The following IL1R1 variants were observed in gnomAD, a reference collection of about 807,000 sequenced individuals.
IL1R1 encodes interleukin-1 receptor type 1.
Under a neutral mutation model 50.2 loss-of-function variants are expected in IL1R1, and 22 were observed. The ratio of observed to expected loss-of-function variants is 0.44; its 90% CI spans 0.31 to 0.63. IL1R1 has a LOEUF of 0.63. IL1R1 is among the 20% of genes least tolerant of loss of function. The pLI is 0.07. For missense variants in IL1R1, 509 were observed against 676.2 expected (o/e 0.75, Z 2.74); for synonymous variants, 251 against 236.7 (o/e 1.06, Z -0.55).
chr2:102,095,368 T>A (rs930975734), intron 1 of IL1R1, among the ~76,000 whole-genome samples: 1 of 152,250 alleles, frequency 6.6e-6, no homozygotes, highest in Non-Finnish European at 1.5e-5. Context: ...CTGTTTCCTC[T>A]GATGAAGTTT....
intron 1 of IL1R1, among the ~76,000 whole-genome samples, chr2:102,143,506 C>A (rs1682855661): frequency 6.6e-6 from 1 of 152,198 alleles, no homozygotes; most frequent in Admixed American, 6.5e-5. Context: ...TCATTATTTA[C>A]AACAGTCATG....
At chr2:102,170,743 T>A (rs996441887) in intron 7 of IL1R1, among the ~76,000 whole-genome samples, 2 of 152,168 alleles carry the variant, frequency 1.3e-5, no homozygotes, top group African/African-American at 4.8e-5. Flanking sequence ...CCCTGAATAT[T>A]AATCTCAGAA....
chr2:102,153,581 G>A (rs1391161765), intron 1 of IL1R1, among the ~76,000 whole-genome samples: 1 of 152,108 alleles, frequency 6.6e-6, no homozygotes, highest in Non-Finnish European at 1.5e-5. Flanking sequence ...GGGATCTGGT[G>A]GGAGGTGATT....
At chr2:102,141,610 G>T (rs1682649828), upstream of IL1R1, among the ~76,000 whole-genome samples, 1 of 152,202 alleles carries the variant, frequency 6.6e-6, no homozygotes, top group Non-Finnish European at 1.5e-5. Context: ...GCCTGGATTT[G>T]TCCGGGGGCA....
chr2:102,171,275 A>T (rs962944706), intron 7 of IL1R1, among the ~76,000 whole-genome samples: 1 of 152,204 alleles, frequency 6.6e-6, no homozygotes, highest in Non-Finnish European at 1.5e-5. Context: ...GCTCACATAC[A>T]CTATTGGAGA....
Position 102,172,751 on chromosome 2 carries a change from G to A in IL1R1, c.904G>A (p.Glu302Lys). The A allele has an allele frequency of 6.2e-7, 1 of 1,612,818 alleles. No individual in the cohort carries two copies. The highest frequency in any genetic ancestry group is 8.5e-7 in the Non-Finnish European group (1 of 1,178,910). Residue 302 changes from glutamate (E) to lysine (K), a missense_variant, in exon 9 of 12, where the codon GAA (glutamate) becomes AAA (lysine). Coordinates refer to ENST00000410023, the MANE Select transcript of IL1R1 (RefSeq NM_000877.4). ...CACAGTGCTTAATATATCGGAAATT[G>A]AAAGTAGATTTTATAAACATCCATT... Reference protein sequence around the residue: ...LITVLNISEIESRFYKHPFTC... With the variant: ...LITVLNISEIKSRFYKHPFTC...
At chr2:102,176,183 T>G in intron 11 of IL1R1, 170 bp from the exon 12 acceptor site, 2 of 606,064 alleles carry the variant, frequency 3.3e-6, no homozygotes, top group South Asian at 4.3e-5. Context: ...CAAGAGACTG[T>G]CTCTTAAAAT....
chr2:102,082,068 C>A (rs561623936), intron 1 of IL1R1, among the ~76,000 whole-genome samples: 21 of 152,318 alleles, frequency 1.4e-4, no homozygotes, highest in Admixed American at 1.1e-3. Context: ...GGCAAATAAC[C>A]TAACACCTTG....
At chr2:102,150,364 G>A (rs550267708) in intron 1 of IL1R1, among the ~76,000 whole-genome samples, 1 of 151,858 alleles carries the variant, frequency 6.6e-6, no homozygotes, top group South Asian at 2.1e-4. Flanking sequence ...CTGGAAGGGG[G>A]GCTTCTGTTG....
intron 9 of IL1R1, among the ~76,000 whole-genome samples, chr2:102,173,128 C>G (rs1685833848): frequency 6.6e-6 from 1 of 152,140 alleles, no homozygotes; most frequent in Non-Finnish European, 1.5e-5. Flanking sequence ...GTTTTCTGTA[C>G]TTAACTATAA....
chr2:102,177,683 G>A lies in IL1R1; in HGVS notation c.*924G>A, dbSNP rs960210674. ...AAGTCATCTTAGCTTTCCACAGGAG[G>A]GAGAGAACTTAAAAAAGCAACAGTA... On this transcript the variant is annotated 3_prime_UTR_variant, in exon 12 of 12. Coordinates refer to ENST00000410023, the MANE Select transcript of IL1R1 (RefSeq NM_000877.4). 8.5e-5 allele frequency: 13 copies of A among 152,346 alleles called. No homozygotes were observed. The highest frequency in any genetic ancestry group is 2.4e-4 in the African/African-American group (10 of 41,430). 9.4% of individuals were successfully genotyped at this position (152,346 alleles called of 1,614,324 possible).
At chr2:102,118,025 C>T (rs1350825844) in intron 1 of IL1R1, among the ~76,000 whole-genome samples, 1 of 151,208 alleles carries the variant, frequency 6.6e-6, no homozygotes, top group East Asian at 1.9e-4. Context: ...GATCTCTGGC[C>T]CTGATTCCCA....
chr2:102,174,554 A>G, intron 9 of IL1R1, 33 bp from the exon 10 acceptor site: 1 of 1,514,646 alleles, frequency 6.6e-7, no homozygotes, highest in Non-Finnish European at 8.8e-7. Context: ...TGGTTCTAAT[A>G]TTTTTTCTCC....
intron 9 of IL1R1, among the ~76,000 whole-genome samples, chr2:102,174,017 T>C (rs1468791849): frequency 6.6e-6 from 1 of 152,216 alleles, no homozygotes; most frequent in Admixed American, 6.5e-5. Flanking sequence ...GATTCCCTTT[T>C]CTGGATGCTT....
At chr2:102,138,563 A>C (rs1371604506), upstream of IL1R1, among the ~76,000 whole-genome samples, 1 of 152,240 alleles carries the variant, frequency 6.6e-6, no homozygotes, top group Non-Finnish European at 1.5e-5. Context: ...TTTGAACGGA[A>C]AGATAATCAT....
In IL1R1 at chr2:102,175,637, T is replaced by C. The variant is rs776232596; in HGVS notation, c.1295T>C (p.Val432Ala). The change falls in exon 11 of 12, where the codon GTT (valine) becomes GCT (alanine). Residue 432 changes from valine (V) to alanine (A), a missense_variant. Coordinates refer to ENST00000410023, the MANE Select transcript of IL1R1 (RefSeq NM_000877.4). ...KLFIYGRDDY[V>A]GEDIVEVINE... The stretch of plus-strand genomic sequence containing the variant: ...TTCATTTATGGAAGGGATGACTACG[T>C]TGGGGAAGGTATGTGTGTAATGGAA... 3.1e-6 allele frequency: 5 copies of C among 1,613,752 alleles called. No homozygotes were observed. In the South Asian group the frequency reaches 5.5e-5, roughly 18 times the overall value.
chr2:102,154,281 G>A (rs953482561), intron 2 of IL1R1, among the ~76,000 whole-genome samples: 1 of 152,168 alleles, frequency 6.6e-6, no homozygotes, highest in Non-Finnish European at 1.5e-5. Flanking sequence ...GGAAATGATG[G>A]GTTCCAGTGC....
intron 8 of IL1R1, 121 bp from the exon 9 acceptor site, chr2:102,172,566 G>A: frequency 1.9e-6 from 2 of 1,063,138 alleles, no homozygotes; most frequent in Non-Finnish European, 1.3e-6. Context: ...CTGTGATTGG[G>A]CAGGGTGATT....
chr2:102,113,430 G>C (rs979191454), intron 1 of IL1R1, among the ~76,000 whole-genome samples: 2 of 152,190 alleles, frequency 1.3e-5, no homozygotes, highest in African/African-American at 2.4e-5. Context: ...TGCTTTTGGT[G>C]ACCAGAGCTG....
Sources: allele counts gnomAD v4.1 joint callset (sites outside exome capture counted in the v4.1 genomes callset), GRCh38; gene constraint gnomAD v4.1.1; transcripts MANE v1.5; gene names NCBI Gene and HGNC (gene_info 2026-07-23, HGNC 2026-07-21).